Variants in ZNF254 observed in about 807,000 individuals in gnomAD.
The protein encoded by ZNF254 is zinc finger protein 254, also known as CTD-2017D11.1.
ZNF254 carries 10 observed loss-of-function variants against 12.4 expected under a neutral mutation model. The ratio of observed to expected loss-of-function variants is 0.80; its 90% CI spans 0.50 to 1.36. The LOEUF is 1.36. ZNF254 is among the 40% of genes most tolerant of loss of function. The pLI is 0.00. For missense variants in ZNF254, 996 were observed against 763.9 expected (o/e 1.30, Z -3.58); for synonymous variants, 305 against 253.4 (o/e 1.20, Z -1.93).
rs528316156 is a variant in ZNF254 at position 24,121,756 on chromosome 19, C to G, written c.254-4498C>G. On this transcript the variant is annotated intron_variant, in intron 3 of 3. Coordinates refer to ENST00000357002, the MANE Select transcript of ZNF254 (RefSeq NM_203282.4). The stretch of plus-strand genomic sequence containing the variant: ...TATTTTTAGTAGAGACAGAGTTTAC[C>G]ATGTTGGCCGGGCTGGTCTTGAACT... 1.9e-3 allele frequency among the ~76,000 whole-genome samples: 284 copies of G among 152,116 alleles called. 1 individual carries two copies. Among genetic ancestry groups the G allele is most frequent in the African/African-American group, 6.3e-3 (263 of 41,512 alleles).
chr19:24,124,403 A>AT (rs1974689688), intron 3 of ZNF254, among the ~76,000 whole-genome samples: 1 of 152,276 alleles, frequency 6.6e-6, no homozygotes, highest in African/African-American at 2.4e-5. Flanking sequence ...ATGCTAAGAA[A>AT]TTTGACTTTT....
intron 2 of ZNF254, chr19:24,063,767 C>G (rs1322371803): frequency 6.6e-6 from 1 of 150,886 alleles, no homozygotes; most frequent in African/African-American, 2.4e-5. Context: ...GTGCCTAACA[C>G]TAAGGTGATG....
intron 3 of ZNF254, among the ~76,000 whole-genome samples, chr19:24,113,713 G>A (rs1029697360): frequency 3.3e-5 from 5 of 152,068 alleles, no homozygotes; most frequent in Non-Finnish European, 5.9e-5. Context: ...GGAAATAAAG[G>A]GTATTCAATT....
chr19:24,050,243 T>C (rs1484438607), intron 2 of ZNF254, among the ~76,000 whole-genome samples: 1 of 152,148 alleles, frequency 6.6e-6, no homozygotes, highest in African/African-American at 2.4e-5. Flanking sequence ...CACTTCAACC[T>C]TTGCCTCCTG....
At chr19:24,064,175 C>T (rs1971183401) in intron 2 of ZNF254, among the ~76,000 whole-genome samples, 2 of 152,044 alleles carry the variant, frequency 1.3e-5, no homozygotes, top group East Asian at 1.9e-4. Flanking sequence ...TGACATAGCT[C>T]CTATGTGATG....
chr19:24,069,665 C>A lies in ZNF254; in HGVS notation c.-94+23386C>A, dbSNP rs561670535. Among the ~76,000 whole-genome samples the A allele has an allele frequency of 9.5e-5, 14 of 146,708 alleles. No individual in the cohort carries two copies. In the Admixed American group the frequency reaches 9.6e-4, roughly 10 times the overall value. ...AGGTGTGGTGGCTCACACCTGTAAT[C>A]TCAGCACTTTGGGAGGCCGGCTCAC... On this transcript the variant is annotated intron_variant, in intron 2 of 4. Transcript: ENST00000613065.
intron 1 of ZNF254, among the ~76,000 whole-genome samples, chr19:24,043,990 C>A (rs1970275210): frequency 6.6e-6 from 1 of 152,006 alleles, no homozygotes; most frequent in African/African-American, 2.4e-5. Context: ...CCTGTAATCT[C>A]AGCCCTTTGG....
intron 1 of ZNF254, among the ~76,000 whole-genome samples, chr19:24,098,246 A>T (rs1468082382): frequency 6.6e-6 from 1 of 152,208 alleles, no homozygotes; most frequent in Non-Finnish European, 1.5e-5. Flanking sequence ...ACCAATAGGG[A>T]TAATTATAAG....
chr19:24,117,799 G>A (rs1342535578), intron 3 of ZNF254, among the ~76,000 whole-genome samples: 1 of 151,980 alleles, frequency 6.6e-6, no homozygotes, highest in Non-Finnish European at 1.5e-5. Flanking sequence ...CTCACGCTGG[G>A]AGCTGTAGAC....
chr19:24,050,785 C>T (rs908735144), intron 2 of ZNF254, among the ~76,000 whole-genome samples: 4 of 152,104 alleles, frequency 2.6e-5, no homozygotes, highest in African/African-American at 9.7e-5. Context: ...CAGAGTTTTG[C>T]TCTTGTTGCC....
intron 2 of ZNF254, among the ~76,000 whole-genome samples, chr19:24,053,735 G>A (rs1970734742): frequency 6.6e-6 from 1 of 152,024 alleles, no homozygotes; most frequent in Admixed American, 6.6e-5. Flanking sequence ...TGAATCTCCT[G>A]CATGGGCCCT....
chr19:24,058,207 C>CA (rs1310742424), intron 2 of ZNF254, among the ~76,000 whole-genome samples: 4 of 152,152 alleles, frequency 2.6e-5, no homozygotes, highest in Non-Finnish European at 5.9e-5. Flanking sequence ...ATGATTGTGA[C>CA]ACATGCCTCT....
chr19:24,111,670 T>C (rs374118989), intron 3 of ZNF254, among the ~76,000 whole-genome samples: 37 of 152,320 alleles, frequency 2.4e-4, no homozygotes, highest in East Asian at 9.6e-4. Flanking sequence ...TGGTATCTCA[T>C]TGTGGTTTTG....
intron 1 of ZNF254, among the ~76,000 whole-genome samples, chr19:24,043,765 T>TA (rs1188428699): frequency 3.9e-5 from 6 of 152,214 alleles, no homozygotes; most frequent in Non-Finnish European, 7.4e-5. Context: ...TGTACATACT[T>TA]ACCATTTCTG....
At chr19:24,053,042 C>T (rs1310991710) in intron 2 of ZNF254, among the ~76,000 whole-genome samples, 6 of 152,168 alleles carry the variant, frequency 3.9e-5, no homozygotes, top group Admixed American at 3.9e-4. Flanking sequence ...GCATAGCCTG[C>T]CAACAGTAAA....
intron 2 of ZNF254, 85 bp from the exon 3 acceptor site, chr19:24,106,463 A>C: frequency 9.2e-7 from 1 of 1,086,732 alleles, no homozygotes; most frequent in South Asian, 1.3e-5. Flanking sequence ...AGCATATTCT[A>C]TTATATCCTC....
intron 2 of ZNF254, among the ~76,000 whole-genome samples, chr19:24,072,139 G>C (rs1181694874): frequency 6.6e-6 from 1 of 151,528 alleles, no homozygotes; most frequent in East Asian, 2.0e-4. Context: ...CCCAGCATCT[G>C]GTGGTACCAG....
At position 24,127,893 on chromosome 19, in the gene ZNF254, A is replaced by G. The variant is rs1469515763; in HGVS notation, c.1893A>G (p.Lys631=). 1.2e-6 allele frequency: 2 copies of G among 1,612,600 alleles called. No individual in the cohort carries two copies. Among genetic ancestry groups the G allele is most frequent in the East Asian group, 4.5e-5 (2 of 44,862 alleles). ...KRIHTGEQPY[K]WEKFGKAFNR... ...TTCATACTGGAGAGCAACCCTACAA[A>G]TGGGAAAAATTTGGCAAAGCCTTTA... Residue 631 remains lysine (K), a synonymous_variant, in exon 4 of 4, where the codon AAA becomes AAG. Coordinates refer to ENST00000357002, the MANE Select transcript of ZNF254 (RefSeq NM_203282.4).
intron 1 of ZNF254, among the ~76,000 whole-genome samples, chr19:24,101,682 C>T (rs752621350): frequency 1.6e-4 from 24 of 152,202 alleles, no homozygotes; most frequent in Admixed American, 2.6e-4. Context: ...CAGGGTACTT[C>T]CATTTTCTAT....
Sources: allele counts gnomAD v4.1 joint callset (sites outside exome capture counted in the v4.1 genomes callset), GRCh38; gene constraint gnomAD v4.1.1; transcripts MANE v1.5; gene names NCBI Gene and HGNC (gene_info 2026-07-23, HGNC 2026-07-21).